CSMD1: variants seen among roughly 807,000 people sequenced by gnomAD.
The protein encoded by CSMD1 is CUB and Sushi multiple domains 1, also known as CUB and sushi domain-containing protein 1.
A neutral mutation model predicts 417.5 loss-of-function variants in CSMD1; 213 were observed. That is an observed-to-expected ratio of 0.51 (90% confidence interval 0.46 to 0.57). The LOEUF (loss-of-function observed/expected upper bound fraction) is 0.57. CSMD1 is among the 20% of genes least tolerant of loss of function. The pLI is 0.00. For missense variants in CSMD1, 6,923 were observed against 4,529.7 expected, an observed-to-expected ratio of 1.53 and a Z score of -15.17; for synonymous variants, 2,862 against 1,736.8, an observed-to-expected ratio of 1.65 and a Z score of -16.11.
intron 12 of CSMD1, among the ~76,000 whole-genome samples, chr8:3,429,403 C>A (rs1042995836): frequency 7.2e-5 from 11 of 152,154 alleles, no homozygotes; most frequent in Non-Finnish European, 4.4e-5. Flanking sequence ...TGACATGGCC[C>A]TTCCACACAG....
chr8:3,411,733 C>CACGTGTATATATACACGTGTATAT (rs1480469686), intron 12 of CSMD1, among the ~76,000 whole-genome samples: 3 of 129,242 alleles, frequency 2.3e-5, no homozygotes, highest in Non-Finnish European at 4.8e-5. Flanking sequence ...TACATATATA[C>CACGTGTATATATACACGTGTATAT]ACGTGTATAT....
intron 3 of CSMD1, among the ~76,000 whole-genome samples, chr8:4,205,096 A>C (rs770878498): frequency 1.2e-4 from 18 of 152,342 alleles, no homozygotes; most frequent in Non-Finnish European, 2.5e-4. Context: ...AAATGCTTTA[A>C]AAAGAAACAT....
chr8:3,191,848 G>A (rs1437209615), intron 33 of CSMD1, among the ~76,000 whole-genome samples: 1 of 152,160 alleles, frequency 6.6e-6, no homozygotes, highest in East Asian at 1.9e-4. Context: ...ACAGTATTTA[G>A]GTACTGTCTC....
At chr8:3,855,027 A>G (rs1039541636) in intron 5 of CSMD1, among the ~76,000 whole-genome samples, 2 of 152,182 alleles carry the variant, frequency 1.3e-5, no homozygotes, top group African/African-American at 4.8e-5. Flanking sequence ...AAATAAACAC[A>G]AAAACATGCA....
chr8:4,602,790 A>C (rs906240226), intron 2 of CSMD1, among the ~76,000 whole-genome samples: 3 of 152,166 alleles, frequency 2.0e-5, no homozygotes, highest in African/African-American at 7.2e-5. Context: ...ATGATGCCTT[A>C]CAATGACTGG....
At chr8:3,574,250 T>C (rs995406119) in intron 10 of CSMD1, among the ~76,000 whole-genome samples, 1 of 152,144 alleles carries the variant, frequency 6.6e-6, no homozygotes, top group Admixed American at 6.5e-5. Context: ...TTGTTTTTTA[T>C]CTTTTCTTGA....
chr8:3,554,417 C>G (rs757255130), intron 10 of CSMD1, among the ~76,000 whole-genome samples: 1 of 152,156 alleles, frequency 6.6e-6, no homozygotes, highest in East Asian at 1.9e-4. Context: ...CTCTGGGGGT[C>G]TGGGGAGAGC....
At chr8:3,310,937 C>G (rs138888546) in intron 23 of CSMD1, among the ~76,000 whole-genome samples, 1 of 152,294 alleles carries the variant, frequency 6.6e-6, no homozygotes, top group East Asian at 1.9e-4. Context: ...TGCTTCTAAA[C>G]TGAGCTTTGA....
At chr8:3,491,025 T>G (rs1346433879) in intron 11 of CSMD1, among the ~76,000 whole-genome samples, 2 of 152,186 alleles carry the variant, frequency 1.3e-5, no homozygotes, top group African/African-American at 4.8e-5. Context: ...AAGATGCCTC[T>G]TCATCCCCAA....
intron 1 of CSMD1, among the ~76,000 whole-genome samples, chr8:4,761,388 A>G (rs1443018810): frequency 6.6e-6 from 1 of 152,100 alleles, no homozygotes; most frequent in East Asian, 1.9e-4. Context: ...GTGTGTGTAT[A>G]TATATATATA....
At chr8:4,417,209 C>T (rs1426345249) in intron 3 of CSMD1, among the ~76,000 whole-genome samples, 1 of 151,978 alleles carries the variant, frequency 6.6e-6, no homozygotes, top group Non-Finnish European at 1.5e-5. Flanking sequence ...TATCAGTGTT[C>T]CCACTGGATT....
chr8:4,941,277 T>TTGAC (rs1807980581), intron 1 of CSMD1, among the ~76,000 whole-genome samples: 1 of 152,080 alleles, frequency 6.6e-6, no homozygotes, highest in African/African-American at 2.4e-5. Context: ...CATTCTTTGA[T>TTGAC]TCAAAAAGTT....
chr8:3,306,412 G>A (rs537001026), intron 25 of CSMD1, among the ~76,000 whole-genome samples: 4 of 152,206 alleles, frequency 2.6e-5, no homozygotes, highest in East Asian at 1.9e-4. Context: ...GATCTTAAGT[G>A]ATCCACCCAC....
At chr8:4,143,110 A>C (rs1803890545) in intron 3 of CSMD1, among the ~76,000 whole-genome samples, 1 of 142,772 alleles carries the variant, frequency 7.0e-6, no homozygotes, top group South Asian at 2.3e-4. Context: ...TTAACTTGGG[A>C]AACTATGGAG....
In CSMD1 at chr8:2,936,926, A is replaced by C. The variant is rs574559836; in HGVS notation, c.*1659T>G. 2.0e-5 allele frequency: 3 copies of C among 152,350 alleles called. No homozygotes were observed. Among genetic ancestry groups the C allele is most frequent in the African/African-American group, 7.2e-5 (3 of 41,590 alleles). 9.4% of individuals were successfully genotyped at this position (152,350 alleles called of 1,614,324 possible). ...CGTGAAGGCCAATTTGAACATTCTG[A>C]CATTTCTATTACCAACGCCAATCTA... On this transcript the variant is annotated 3_prime_UTR_variant, in exon 70 of 70. Transcript: ENST00000635120.
rs201373046 is a variant in CSMD1 at position 4,780,438 on chromosome 8, T to TG, written c.86-142881_86-142880insC. 4.8e-3 allele frequency among the ~76,000 whole-genome samples: 724 copies of TG among 152,274 alleles called. 7 individuals are homozygous for TG. Among genetic ancestry groups the TG allele is most frequent in the East Asian group, 0.016 (84 of 5,184 alleles). On this transcript the variant is annotated intron_variant, in intron 1 of 69. Transcript: ENST00000635120. ...CGATCTGTCTGTCTGTCTGTCTGTC[T>TG]ACCTACCTACCTACCTATCATCTCT...
At chr8:3,272,519 G>A (rs1198565471) in intron 26 of CSMD1, among the ~76,000 whole-genome samples, 1 of 141,140 alleles carries the variant, frequency 7.1e-6, no homozygotes, top group African/African-American at 2.7e-5. Flanking sequence ...AATTACTTTG[G>A]GCAGTATGGC....
intron 26 of CSMD1, among the ~76,000 whole-genome samples, chr8:3,243,174 C>A (rs976274439): frequency 2.6e-5 from 4 of 152,030 alleles, no homozygotes; most frequent in Non-Finnish European, 1.5e-5. Context: ...GCCGCTTACC[C>A]GATTTAAAAT....
chr8:4,721,435 C>A (rs1425170944), intron 1 of CSMD1, among the ~76,000 whole-genome samples: 1 of 152,124 alleles, frequency 6.6e-6, no homozygotes, highest in African/African-American at 2.4e-5. Flanking sequence ...AGATTCTGAA[C>A]AATTTGAAAT....
Sources: allele counts gnomAD v4.1 joint callset (sites outside exome capture counted in the v4.1 genomes callset), GRCh38; gene constraint gnomAD v4.1.1; transcripts MANE v1.5; gene names NCBI Gene and HGNC (gene_info 2026-07-23, HGNC 2026-07-21).